Variants in NPFFR1 observed in about 807,000 individuals in gnomAD.
NPFFR1 encodes the protein neuropeptide FF receptor 1, also known as G-protein coupled receptor 147.
Under a neutral mutation model 12.7 loss-of-function variants are expected in NPFFR1, and 17 were observed. The ratio of observed to expected loss-of-function variants is 1.34; its 90% confidence interval spans 0.92 to 2.01. The LOEUF is 2.01. Among genes scored for constraint, NPFFR1 ranks in the 30% most tolerant of loss-of-function variants. The probability of loss-of-function intolerance (pLI) is 0.00; values close to 1 mark genes in which losing one functional copy is unlikely to be tolerated. For missense variants in NPFFR1, 604 were observed against 606.5 expected (o/e 1.00, Z 0.04); for synonymous variants, 296 against 264.5 (o/e 1.12, Z -1.16).
intron 3 of NPFFR1, among the ~76,000 whole-genome samples, chr10:70,257,383 G>A (rs1840582907): frequency 6.6e-6 from 1 of 152,222 alleles, no homozygotes; most frequent in Non-Finnish European, 1.5e-5. Flanking sequence ...AACATGTGTT[G>A]TATGAAATCA....
chr10:70,251,773 C>T lies in NPFFR1; in HGVS notation c.*3184G>A, dbSNP rs893407160. Reference sequence around the variant, plus strand: ...TGGGCGCCTAGGCTGCACAAGGCCCCGTCAGGGTCCAGGTGTCAGAACATA... The same window carrying T: ...TGGGCGCCTAGGCTGCACAAGGCCCTGTCAGGGTCCAGGTGTCAGAACATA... On this transcript the variant is annotated 3_prime_UTR_variant, in exon 4 of 4. Transcript: ENST00000277942. The T allele has an allele frequency of 1.8e-4, 28 of 152,346 alleles. No individual in the cohort carries two copies. Among genetic ancestry groups the T allele is most frequent in the Admixed American group, 5.9e-4 (9 of 15,304 alleles). The allele number at this position is 152,346 out of a possible 1,614,324, so 9.4% of individuals were successfully genotyped here.
chr10:70,279,196 T>C (rs1315486927), intron 1 of NPFFR1, among the ~76,000 whole-genome samples: 1 of 152,176 alleles, frequency 6.6e-6, no homozygotes, highest in African/African-American at 2.4e-5. Context: ...CTGTCACCCA[T>C]GCTGGAGTGC....
At position 70,255,432 on chromosome 10, in the gene NPFFR1, A is replaced by C; in HGVS notation, c.818T>G (p.Val273Gly). 1.3e-6 allele frequency: 2 copies of C among 1,547,340 alleles called. No homozygotes were observed. Among genetic ancestry groups the C allele is most frequent in the Non-Finnish European group, 1.7e-6 (2 of 1,146,876 alleles). ...RRRARVVHML[V>G]MVALFFTLSW... ...CAGCGTGAAGAACAGCGCCACCATGACCAGCATGTGCACCACGCGCGCTCT... is the reference window on the plus strand; with the variant it reads ...CAGCGTGAAGAACAGCGCCACCATGCCCAGCATGTGCACCACGCGCGCTCT... The change falls in exon 4 of 4, where the codon GTC becomes GGC. Residue 273 changes from valine (V) to glycine (G), a missense_variant. Coordinates refer to ENST00000277942, the MANE Select transcript of NPFFR1 (RefSeq NM_022146.5). This position sits in a 1 kb window ranked among gnomAD's most constrained non-coding sequence, Gnocchi z 4.2.
At chr10:70,257,473 C>A (rs969156447) in intron 3 of NPFFR1, among the ~76,000 whole-genome samples, 1 of 152,222 alleles carries the variant, frequency 6.6e-6, no homozygotes, top group East Asian at 1.9e-4. Flanking sequence ...TAAAAGTCAT[C>A]GCCATTCTCT....
chr10:70,271,443 G>C (rs1840741950), intron 1 of NPFFR1, among the ~76,000 whole-genome samples: 1 of 152,140 alleles, frequency 6.6e-6, no homozygotes, highest in African/African-American at 2.4e-5. Flanking sequence ...AGCCTGAGAA[G>C]TCAAGGCTGC....
At chr10:70,274,376 G>A (rs1217317396) in intron 1 of NPFFR1, among the ~76,000 whole-genome samples, 1 of 152,160 alleles carries the variant, frequency 6.6e-6, no homozygotes, top group African/African-American at 2.4e-5. Flanking sequence ...TTGAACCCGG[G>A]AGGTGGAGGT....
In NPFFR1 at chr10:70,248,483, T is replaced by G. The variant is rs1840476117; in HGVS notation, c.*6474A>C. 2 of 90,560 alleles carry G rather than the reference T, an allele frequency of 2.2e-5. No individual in the cohort carries two copies. The highest frequency in any genetic ancestry group is 2.4e-4 in the East Asian group (1 of 4,188). The allele number at this position is 90,560 out of a possible 1,614,324, so 5.6% of individuals were successfully genotyped here. ...ATGCCTGGCGTTTTTTTTTTGTTTT[T>G]TGTTTTTTTTTTTTTTTTTTGAGAT... On this transcript the variant is annotated 3_prime_UTR_variant, in exon 4 of 4. Coordinates refer to ENST00000277942, the MANE Select transcript of NPFFR1 (RefSeq NM_022146.5).
At chr10:70,256,714 A>G (rs1840576624) in intron 3 of NPFFR1, among the ~76,000 whole-genome samples, 2 of 152,232 alleles carry the variant, frequency 1.3e-5, no homozygotes, top group Admixed American at 1.3e-4. Flanking sequence ...ATTTACAGAC[A>G]AGGAAACTGG....
chr10:70,248,717 C>T lies in NPFFR1; in HGVS notation c.*6240G>A, dbSNP rs1266264400. ...GCCAGGCTGGTCTCGAACTCCTGAC[C>T]TCAAGTGATCGACCCACCTCGGCCT... is the stretch of plus-strand genomic sequence containing the variant. On this transcript the variant is annotated 3_prime_UTR_variant, in exon 4 of 4. Transcript: ENST00000277942. 6.6e-6 allele frequency: 1 copy of T among 151,652 alleles called. No homozygotes were observed. The highest frequency in any genetic ancestry group is 2.4e-5 in the African/African-American group (1 of 41,234). The allele number at this position is 151,652 out of a possible 1,614,324, so 9.4% of individuals were successfully genotyped here.
intron 2 of NPFFR1, among the ~76,000 whole-genome samples, chr10:70,261,614 C>T (rs1011639156): frequency 3.9e-5 from 6 of 152,220 alleles, no homozygotes; most frequent in Non-Finnish European, 7.3e-5. Flanking sequence ...CTGCCTGGCT[C>T]TCTGCTCCCA....
rs567924643 is a variant in NPFFR1, at chr10:70,267,837, G to A, written c.8-1446C>T. On this transcript the variant is annotated intron_variant, in intron 1 of 3. Transcript: ENST00000277942. ...AGGGCCAGCGAGCTGGCATCATCAG[G>A]GCTGCAGGGACCAGCAGGGGGCACT... Among the ~76,000 whole-genome samples the A allele has an allele frequency of 3.7e-3, 560 of 152,260 alleles. 2 individuals carry two copies. The highest frequency in any genetic ancestry group is 0.013 in the African/African-American group (531 of 41,550).
Position 70,283,818 on chromosome 10 carries a change from CGGGCAGAGGTGAGCAGGGG to C in NPFFR1, c.-161_-143del. ...CCGCGCTCCGCAGGTCCGGTCGGTC[CGGGCAGAGGTGAGCAGGGG>C]GCGTGCGCTCCCAGGCCCCGGGCCC... On this transcript the variant is annotated 5_prime_UTR_variant, in exon 1 of 4. Coordinates refer to ENST00000277942, the MANE Select transcript of NPFFR1 (RefSeq NM_022146.5). 3.3e-6 allele frequency: 3 copies of C among 908,980 alleles called. No homozygotes were observed. The highest frequency in any genetic ancestry group is 3.3e-5 in the South Asian group (2 of 61,158). The allele number at this position is 908,980 out of a possible 1,614,324, so 56.3% of individuals were successfully genotyped here.
At chr10:70,283,545 G>A (rs917870763) in intron 1 of NPFFR1, 125 bp downstream of exon 1, 5 of 966,348 alleles carry the variant, frequency 5.2e-6, no homozygotes, top group Non-Finnish European at 8.0e-6. Flanking sequence ...CACACAGAGT[G>A]TCACAACGTC....
intron 2 of NPFFR1, among the ~76,000 whole-genome samples, chr10:70,261,410 C>T (rs1370440171): frequency 6.6e-6 from 1 of 152,140 alleles, no homozygotes; most frequent in African/African-American, 2.4e-5. Context: ...TCAAGTATGT[C>T]CTTATAGCAG....
Position 70,258,407 on chromosome 10 carries a change from C to T in NPFFR1, c.422+2233G>A, listed in dbSNP as rs79665192. ...CTCCCCCTGCAGCATGGTTCAAAGACGATTGCTCAACTGCAAGCTCTGTGA... is the reference window on the plus strand; with the variant it reads ...CTCCCCCTGCAGCATGGTTCAAAGATGATTGCTCAACTGCAAGCTCTGTGA... On this transcript the variant is annotated intron_variant, in intron 3 of 3. Coordinates refer to ENST00000277942, the MANE Select transcript of NPFFR1 (RefSeq NM_022146.5). Among the ~76,000 whole-genome samples the T allele has an allele frequency of 6.7e-3, 1,026 of 152,182 alleles. 9 individuals carry two copies. The highest frequency in any genetic ancestry group is 0.023 in the African/African-American group (959 of 41,542).
At position 70,248,489 on chromosome 10, in the gene NPFFR1, T is replaced by TTTTTTTTTTTTTTTG. The variant is rs1840477476; in HGVS notation, c.*6453_*6467dup. ...GGCGTTTTTTTTTTGTTTTTTGTTT[T>TTTTTTTTTTTTTTTG]TTTTTTTTTTTTTTGAGATGGAGTC... is the stretch of plus-strand genomic sequence containing the variant. On this transcript the variant is annotated 3_prime_UTR_variant, in exon 4 of 4. Coordinates refer to ENST00000277942, the MANE Select transcript of NPFFR1 (RefSeq NM_022146.5). The TTTTTTTTTTTTTTTG allele has an allele frequency of 4.4e-5, 5 of 113,850 alleles. No homozygotes were observed. The highest frequency in any genetic ancestry group is 2.8e-4 in the East Asian group (1 of 3,556). 7.1% of individuals were successfully genotyped at this position (113,850 alleles called of 1,614,324 possible). A position where few individuals can be genotyped will look rare whatever the true frequency, so the allele number is the denominator to read the frequency against.
At chr10:70,261,727 C>G (rs147938257) in intron 2 of NPFFR1, among the ~76,000 whole-genome samples, 3 of 152,150 alleles carry the variant, frequency 2.0e-5, no homozygotes, top group African/African-American at 7.2e-5. Flanking sequence ...CCATGCCAGG[C>G]CAGTTACAAT....
chr10:70,282,610 C>T (rs1379319833), intron 1 of NPFFR1, among the ~76,000 whole-genome samples: 10 of 152,208 alleles, frequency 6.6e-5, no homozygotes, highest in Non-Finnish European at 1.2e-4. Flanking sequence ...CCTCTTGCCA[C>T]AGCTGCCTCA....
At chr10:70,256,092 G>A (rs1300849839) in intron 3 of NPFFR1, among the ~76,000 whole-genome samples, 1 of 141,036 alleles carries the variant, frequency 7.1e-6, no homozygotes, top group Non-Finnish European at 1.5e-5. Flanking sequence ...TTTTTTTCCT[G>A]AGACAGGGCC....
Sources: gnomAD v4.1 joint callset for allele counts (sites outside exome capture counted in the v4.1 genomes callset) on GRCh38, gnomAD v4.1.1 for gene constraint, Gnocchi (gnomAD v3.1) non-coding constraint, MANE v1.5 for transcripts, NCBI Gene and HGNC (gene_info 2026-07-23, HGNC 2026-07-21) for gene names.